SPATA13: variants seen among roughly 807,000 people sequenced by gnomAD.
SPATA13 encodes spermatogenesis associated 13, also known as spermatogenesis-associated protein 13.
A neutral mutation model predicts 104.0 loss-of-function variants in SPATA13; 50 were observed. The observed-to-expected ratio is 0.48, with a 90% CI of 0.38 to 0.61. The LOEUF (loss-of-function observed/expected upper bound fraction) is 0.61. Among genes scored for constraint, SPATA13 ranks in the 20% least tolerant of loss-of-function variants. The pLI is 0.00. For synonymous variants in SPATA13, 606 were observed against 667.5 expected (o/e 0.91, Z 1.42); for missense variants, 1,524 against 1,690.6 (o/e 0.90, Z 1.73).
chr13:23,995,251 A>G (rs1875624592), intron 2 of SPATA13, among the ~76,000 whole-genome samples: 2 of 152,184 alleles, frequency 1.3e-5, no homozygotes, highest in South Asian at 4.1e-4. Flanking sequence ...TTCTGATTTT[A>G]TCCCTAGAAA....
At chr13:24,185,850 CAT>C (rs1869117325) in intron 1 of SPATA13, among the ~76,000 whole-genome samples, 1 of 151,944 alleles carries the variant, frequency 6.6e-6, no homozygotes, top group South Asian at 2.1e-4. Context: ...GGAATTGGCT[CAT>C]GTGATTGTGA....
intron 3 of SPATA13, among the ~76,000 whole-genome samples, chr13:24,112,174 T>C (rs1409031): frequency 0.39 from 58,682 of 152,076 alleles, 12,715 homozygotes; most frequent in African/African-American, 0.58. Context: ...CTGCCCCCCA[T>C]TCCTTCTTGC....
chr13:24,065,768 A>G (rs1878937502), intron 3 of SPATA13, among the ~76,000 whole-genome samples: 1 of 152,258 alleles, frequency 6.6e-6, no homozygotes, highest in Non-Finnish European at 1.5e-5. Context: ...AGTTTGGTCA[A>G]CCATAAATAG....
chr13:23,998,381 A>G (rs1376841963), intron 2 of SPATA13, among the ~76,000 whole-genome samples: 3 of 152,180 alleles, frequency 2.0e-5, no homozygotes, highest in African/African-American at 4.8e-5. Flanking sequence ...TTCTTTCATG[A>G]AATGTCTATC....
rs1457613277 is a variant in SPATA13 at position 24,286,923 on chromosome 13, C to T, written c.2640C>T (p.Tyr880=). The part of the protein sequence containing the change: ...IREIMDTERV[Y]IKHLRDICEG... ...AGATCATGGACACCGAGCGGGTGTA[C>T]ATCAAACACCTCAGGGACATCTGTG... The change falls in exon 7 of 13, where the codon TAC becomes TAT. Residue 880 remains tyrosine, a synonymous_variant. Coordinates refer to ENST00000382108, the MANE Select transcript of SPATA13 (RefSeq NM_001166271.3). The surrounding 1 kb of genome is among the most constrained non-coding windows in gnomAD (Gnocchi z 4.9). 1 of 1,613,776 alleles carries T rather than the reference C, an allele frequency of 6.2e-7. No homozygotes were observed. The highest frequency in any genetic ancestry group is 1.7e-5 in the Admixed American group (1 of 60,022).
At chr13:24,247,990 T>C (rs1873256522) in intron 2 of SPATA13, among the ~76,000 whole-genome samples, 1 of 152,182 alleles carries the variant, frequency 6.6e-6, no homozygotes, top group Admixed American at 6.5e-5. Context: ...GCAGTCATAG[T>C]CTGCCTTCTC....
At chr13:24,220,913 A>T (rs1455775187) in intron 1 of SPATA13, among the ~76,000 whole-genome samples, 1 of 152,230 alleles carries the variant, frequency 6.6e-6, no homozygotes, top group Non-Finnish European at 1.5e-5. Context: ...ATGGGGTCAG[A>T]TTCTGCACTT....
intron 1 of SPATA13, among the ~76,000 whole-genome samples, chr13:24,171,579 G>T (rs1025040451): frequency 6.6e-6 from 1 of 152,232 alleles, no homozygotes; most frequent in Non-Finnish European, 1.5e-5. Context: ...AGGTGGCCAC[G>T]TGTGCTTGCT....
At chr13:24,078,379 C>T (rs942622126) in intron 3 of SPATA13, among the ~76,000 whole-genome samples, 1 of 152,178 alleles carries the variant, frequency 6.6e-6, no homozygotes, top group Non-Finnish European at 1.5e-5. Flanking sequence ...AAGGGCTTTA[C>T]AGATGGTAGC....
Position 24,306,038 on chromosome 13 carries a change from G to T in SPATA13, c.*3265G>T, listed in dbSNP as rs1877558060. The stretch of plus-strand genomic sequence containing the variant: ...TTAGATCTGATTTTTGTTTCCCACT[G>T]TAGATCTGATTTTGTAGTTGAAAAC... On this transcript the variant is annotated 3_prime_UTR_variant, in exon 13 of 13. Coordinates refer to ENST00000382108, the MANE Select transcript of SPATA13 (RefSeq NM_001166271.3). 1 of 152,138 alleles carries T rather than the reference G, an allele frequency of 6.6e-6. No individual in the cohort carries two copies. The highest frequency in any genetic ancestry group is 2.4e-5 in the African/African-American group (1 of 41,412). The allele number at this position is 152,138 out of a possible 1,614,324, so 9.4% of individuals were successfully genotyped here.
In SPATA13 at chr13:24,259,510, G is replaced by T. The variant is rs558856571; in HGVS notation, c.2164+7648G>T. ...ACAATTGGGGATTATCATTCAGGGG[G>T]TGACATTCTTTCCCTGTCTACTGCT... On this transcript the variant is annotated intron_variant, in intron 4 of 12. Coordinates refer to ENST00000382108, the MANE Select transcript of SPATA13 (RefSeq NM_001166271.3). 3.9e-5 allele frequency among the ~76,000 whole-genome samples: 6 copies of T among 152,366 alleles called. No homozygotes were observed. In the South Asian group the frequency reaches 1.2e-3, roughly 32 times the overall value.
At chr13:24,101,067 C>T (rs9507241) in intron 3 of SPATA13, among the ~76,000 whole-genome samples, 39,450 of 151,964 alleles carry the variant, frequency 0.26, 5,798 homozygotes, top group Non-Finnish European at 0.32. Flanking sequence ...TGGACACTCT[C>T]AAGGGGAAAT....
intron 1 of SPATA13, among the ~76,000 whole-genome samples, chr13:24,195,459 G>T (rs1435313041): frequency 6.6e-6 from 1 of 152,050 alleles, no homozygotes; most frequent in Non-Finnish European, 1.5e-5. Flanking sequence ...GTTCTCTTGG[G>T]TATATACCCA....
chr13:23,983,564 C>T (rs1226400950), intron 1 of SPATA13, among the ~76,000 whole-genome samples: 1 of 152,018 alleles, frequency 6.6e-6, no homozygotes, highest in East Asian at 1.9e-4. Context: ...TTGTTATTCT[C>T]ATTAGTATTT....
intron 1 of SPATA13, among the ~76,000 whole-genome samples, chr13:24,217,773 G>A (rs1871339244): frequency 6.6e-6 from 1 of 152,164 alleles, no homozygotes; most frequent in African/African-American, 2.4e-5. Context: ...CTGCCCACAG[G>A]ACCTCGGACC....
At chr13:24,235,028 A>G (rs1872499645) in intron 2 of SPATA13, among the ~76,000 whole-genome samples, 2 of 152,270 alleles carry the variant, frequency 1.3e-5, no homozygotes. Context: ...GGTACTTACC[A>G]CAGTGCCTTG....
intron 3 of SPATA13, among the ~76,000 whole-genome samples, chr13:24,036,664 G>A (rs532223937): frequency 4.8e-4 from 73 of 152,092 alleles, no homozygotes; most frequent in African/African-American, 1.6e-3. Context: ...CTAAAACTTC[G>A]CAATTCTGTG....
intron 2 of SPATA13, among the ~76,000 whole-genome samples, chr13:23,992,006 A>G (rs1875437262): frequency 6.6e-6 from 1 of 152,234 alleles, no homozygotes; most frequent in African/African-American, 2.4e-5. Flanking sequence ...AGTGGTTACT[A>G]CAAGCCAAGC....
chr13:24,275,816 C>A (rs1480995556), intron 4 of SPATA13, among the ~76,000 whole-genome samples: 1 of 152,220 alleles, frequency 6.6e-6, no homozygotes, highest in Non-Finnish European at 1.5e-5. Flanking sequence ...CACCTGTAAT[C>A]TCAGCTACTC....
Sources: gnomAD v4.1 joint callset for allele counts (sites outside exome capture counted in the v4.1 genomes callset) on GRCh38, gnomAD v4.1.1 for gene constraint, Gnocchi (gnomAD v3.1) non-coding constraint, MANE v1.5 for transcripts, NCBI Gene and HGNC (gene_info 2026-07-23, HGNC 2026-07-21) for gene names.